The following CYP2C19 variants were observed in gnomAD, a reference collection of about 807,000 sequenced individuals.
CYP2C19 encodes cytochrome P450 family 2 subfamily C member 19, also known as cytochrome P450 2C19.
A neutral mutation model predicts 40.9 loss-of-function variants in CYP2C19; 59 were observed. That is an observed-to-expected ratio of 1.44 (90% CI 1.17 to 1.79). CYP2C19 has a LOEUF of 1.79. Among genes scored for constraint, CYP2C19 ranks in the 40% most tolerant of loss-of-function variants. The pLI, the probability that CYP2C19 is intolerant of heterozygous loss-of-function variation, is 0.00. For missense variants in CYP2C19, 754 were observed against 596.9 expected, an observed-to-expected ratio of 1.26 and a Z score of -2.74; for synonymous variants, 253 against 208.7, an observed-to-expected ratio of 1.21 and a Z score of -1.83.
At chr10:94,846,288 T>G (rs1170853197) in intron 7 of CYP2C19, among the ~76,000 whole-genome samples, 1 of 152,196 alleles carries the variant, frequency 6.6e-6, no homozygotes, top group Non-Finnish European at 1.5e-5. Context: ...TTGTTTTGTA[T>G]AATTGTTTTC....
At chr10:94,768,310 C>G (rs1010375665) in intron 1 of CYP2C19, among the ~76,000 whole-genome samples, 1 of 152,178 alleles carries the variant, frequency 6.6e-6, no homozygotes, top group African/African-American at 2.4e-5. Flanking sequence ...TTGCCATAAC[C>G]TGCCCTTCAT....
chr10:94,779,170 GC>G (rs1309904060), intron 3 of CYP2C19, among the ~76,000 whole-genome samples: 3 of 152,078 alleles, frequency 2.0e-5, no homozygotes, highest in African/African-American at 7.2e-5. Flanking sequence ...TGCATGTGGA[GC>G]TTAAAACCTA....
intron 5 of CYP2C19, among the ~76,000 whole-genome samples, chr10:94,788,958 C>T (rs1360581605): frequency 1.3e-5 from 2 of 152,100 alleles, no homozygotes; most frequent in East Asian, 1.9e-4. Context: ...ATTTACATTC[C>T]CACAAACAGT....
intron 6 of CYP2C19, among the ~76,000 whole-genome samples, chr10:94,830,980 C>T (rs1849325324): frequency 6.6e-6 from 1 of 152,166 alleles, no homozygotes; most frequent in Non-Finnish European, 1.5e-5. Context: ...CACTGTTGTG[C>T]TATCAAATAG....
At chr10:94,791,578 T>A (rs1025636650) in intron 5 of CYP2C19, among the ~76,000 whole-genome samples, 5 of 152,168 alleles carry the variant, frequency 3.3e-5, no homozygotes, top group African/African-American at 1.2e-4. Context: ...TTTGTTCTCA[T>A]TGATTTCAAA....
At chr10:94,844,944 C>T (rs1168436714) in intron 7 of CYP2C19, among the ~76,000 whole-genome samples, 1 of 152,190 alleles carries the variant, frequency 6.6e-6, no homozygotes, top group African/African-American at 2.4e-5. Context: ...ATCTGATGAG[C>T]TTCTTCATTC....
intron 6 of CYP2C19, among the ~76,000 whole-genome samples, chr10:94,822,273 A>G (rs887140904): frequency 6.6e-6 from 1 of 152,112 alleles, no homozygotes; most frequent in Non-Finnish European, 1.5e-5. Flanking sequence ...GCCTCACAAT[A>G]AGTCTCTGAT....
intron 6 of CYP2C19, among the ~76,000 whole-genome samples, chr10:94,821,183 A>G (rs1400129758): frequency 6.6e-6 from 1 of 152,222 alleles, no homozygotes; most frequent in East Asian, 1.9e-4. Context: ...GGCAGTTTCA[A>G]AAGCAATAGA....
chr10:94,787,178 A>C (rs1280589287), intron 5 of CYP2C19, among the ~76,000 whole-genome samples: 1 of 151,972 alleles, frequency 6.6e-6, no homozygotes, highest in Non-Finnish European at 1.5e-5. Flanking sequence ...TTGGCTTTTT[A>C]ATCATATCCA....
At chr10:94,774,288 A>C (rs1213706376) in intron 1 of CYP2C19, 1 of 152,168 alleles carries the variant, frequency 6.6e-6, no homozygotes, top group East Asian at 1.9e-4. Context: ...AGCCATGATA[A>C]TAAGTGACAT....
intron 6 of CYP2C19, among the ~76,000 whole-genome samples, chr10:94,831,086 T>C (rs1849327823): frequency 6.6e-6 from 1 of 152,198 alleles, no homozygotes; most frequent in Non-Finnish European, 1.5e-5. Context: ...TTAGTTAAAT[T>C]CTTTTTATTT....
At chr10:94,783,167 A>C (rs921578452) in intron 5 of CYP2C19, among the ~76,000 whole-genome samples, 1 of 152,124 alleles carries the variant, frequency 6.6e-6, no homozygotes, top group Non-Finnish European at 1.5e-5. Context: ...TTTAGGTGAA[A>C]TGGAAGCAAT....
In CYP2C19 at chr10:94,853,866, A is replaced by G. The variant is rs1208310858; in HGVS notation, c.*952A>G. Among the ~76,000 whole-genome samples the G allele has an allele frequency of 1.3e-5, 2 of 152,164 alleles. No individual in the cohort carries two copies. Among genetic ancestry groups the G allele is most frequent in the Middle Eastern group, 3.4e-3 (1 of 292 alleles). ...TGGTCTAATGTTACTTTAAAGTGTC[A>G]TTACTTTATCTCTAAATAAAGAATC... On this transcript the variant is annotated 3_prime_UTR_variant, in exon 9 of 9. Transcript: ENST00000371321.
At chr10:94,777,713 A>G (rs1474755795) in intron 3 of CYP2C19, among the ~76,000 whole-genome samples, 1 of 152,156 alleles carries the variant, frequency 6.6e-6, no homozygotes, top group African/African-American at 2.4e-5. Flanking sequence ...AGAAAAACCC[A>G]GGTAATACCA....
intron 5 of CYP2C19, among the ~76,000 whole-genome samples, chr10:94,810,255 C>G (rs1005617259): frequency 1.3e-5 from 2 of 152,158 alleles, no homozygotes; most frequent in Non-Finnish European, 2.9e-5. Flanking sequence ...GGTGGATAAG[C>G]TTTTTGAAGT....
chr10:94,837,236 T>C (rs1024185011), intron 6 of CYP2C19, among the ~76,000 whole-genome samples: 2 of 152,196 alleles, frequency 1.3e-5, no homozygotes, highest in Non-Finnish European at 2.9e-5. Flanking sequence ...TTGCAGGGGC[T>C]ATTGCATGGT....
chr10:94,784,039 A>G (rs1234665064), intron 5 of CYP2C19, among the ~76,000 whole-genome samples: 2 of 152,186 alleles, frequency 1.3e-5, no homozygotes, highest in Non-Finnish European at 2.9e-5. Context: ...ACAAAAACGT[A>G]TTATATTCGC....
intron 7 of CYP2C19, among the ~76,000 whole-genome samples, chr10:94,843,778 G>A (rs1481138079): frequency 6.6e-6 from 1 of 152,028 alleles, no homozygotes; most frequent in African/African-American, 2.4e-5. Context: ...TATTGCATTG[G>A]CTAGAATTTC....
chr10:94,820,453 C>G lies in CYP2C19; in HGVS notation c.820-43C>G. 1.9e-6 allele frequency: 3 copies of G among 1,606,172 alleles called. No homozygotes were observed. The South Asian group carries it at 3.3e-5, about 18-fold the overall frequency. On this transcript the variant is annotated intron_variant, in intron 5 of 8. Coordinates refer to ENST00000371321, the MANE Select transcript of CYP2C19 (RefSeq NM_000769.4). ...TTTGAATTTACTGTCATCAAATATG[C>G]TGTTAAATAATTTGTCAGATAATTG...
Sources: allele counts gnomAD v4.1 joint callset (sites outside exome capture counted in the v4.1 genomes callset), GRCh38; gene constraint gnomAD v4.1.1; transcripts MANE v1.5; gene names NCBI Gene and HGNC (gene_info 2026-07-23, HGNC 2026-07-21).